The following RBFOX3 variants were observed in gnomAD, a reference collection of about 807,000 sequenced individuals.
RBFOX3 encodes RNA binding fox-1 homolog 3.
RBFOX3 carries 17 observed loss-of-function variants against 48.7 expected under a neutral mutation model. The observed-to-expected ratio is 0.35, with a 90% confidence interval of 0.24 to 0.52. The LOEUF is 0.52. RBFOX3 is among the 20% of genes least tolerant of loss of function. RBFOX3 has a pLI of 0.94. For missense variants in RBFOX3, 382 were observed against 497.5 expected, an observed-to-expected ratio of 0.77 and a Z score of 2.21; for synonymous variants, 212 against 209.5, an observed-to-expected ratio of 1.01 and a Z score of -0.10.
intron 4 of RBFOX3, among the ~76,000 whole-genome samples, chr17:79,175,533 G>T (rs1013011081): frequency 1.3e-5 from 2 of 152,240 alleles, no homozygotes; most frequent in East Asian, 1.9e-4. Context: ...CTGCCCACTG[G>T]AGTGTGATGA....
rs1815550093 is a variant in RBFOX3, at chr17:79,421,718, C to CCCTG, written c.-175+60732_-175+60735dup. Among the ~76,000 whole-genome samples the CCCTG allele has an allele frequency of 6.6e-6, 1 of 152,118 alleles. No individual in the cohort carries two copies. Among genetic ancestry groups the CCCTG allele is most frequent in the Admixed American group, 6.6e-5 (1 of 15,264 alleles). ...TAGGACCAAGCAAGATGACGCAGGC[C>CCCTG]CCTGGCAAGCCTGAGGCCGGGGCAG... On this transcript the variant is annotated intron_variant, in intron 2 of 14. Coordinates refer to ENST00000693108, the MANE Select transcript of RBFOX3 (RefSeq NM_001350451.2). This position sits in a 1 kb window ranked among gnomAD's most constrained non-coding sequence, Gnocchi z 4.5.
intron 2 of RBFOX3, among the ~76,000 whole-genome samples, chr17:79,404,474 C>T (rs1005578288): frequency 3.3e-5 from 5 of 152,254 alleles, no homozygotes; most frequent in Non-Finnish European, 5.9e-5. Context: ...CCAGGTCACG[C>T]AGCTGGCCCA....
At chr17:79,353,884 C>T (rs1202898863) in intron 2 of RBFOX3, among the ~76,000 whole-genome samples, 1 of 152,228 alleles carries the variant, frequency 6.6e-6, no homozygotes, top group African/African-American at 2.4e-5. Context: ...GTGGGGGCCG[C>T]TCCCTGAGGT....
intron 1 of RBFOX3, among the ~76,000 whole-genome samples, chr17:79,518,978 G>A (rs2085659197): frequency 1.3e-5 from 2 of 152,268 alleles, no homozygotes; most frequent in East Asian, 1.9e-4. Context: ...GCCAGAAGGA[G>A]AAAGCCAGCC....
chr17:79,430,513 A>G (rs1555727898), intron 2 of RBFOX3, among the ~76,000 whole-genome samples: 1 of 152,202 alleles, frequency 6.6e-6, no homozygotes, highest in Non-Finnish European at 1.5e-5. Flanking sequence ...TTTCTAAAGT[A>G]TAAATAGTAT....
At chr17:79,297,574 A>G (rs909377884) in intron 3 of RBFOX3, among the ~76,000 whole-genome samples, 3 of 152,362 alleles carry the variant, frequency 2.0e-5, no homozygotes, top group Admixed American at 2.0e-4. Flanking sequence ...TAGGACAGAC[A>G]CTGGAAATCT....
At chr17:79,263,512 G>C (rs531486382) in intron 3 of RBFOX3, among the ~76,000 whole-genome samples, 1 of 152,190 alleles carries the variant, frequency 6.6e-6, no homozygotes, top group Non-Finnish European at 1.5e-5. Flanking sequence ...CGTGCTGCTC[G>C]TGGCAGAAGT....
At chr17:79,341,944 T>C (rs1231079061) in intron 2 of RBFOX3, among the ~76,000 whole-genome samples, 1 of 152,188 alleles carries the variant, frequency 6.6e-6, no homozygotes, top group Non-Finnish European at 1.5e-5. Flanking sequence ...TGGAATTCAT[T>C]TGGAAAATTT....
upstream of RBFOX3, among the ~76,000 whole-genome samples, chr17:79,611,169 T>TCGCTCTCGCTCTCG (rs1359138866): frequency 1.9e-3 from 49 of 25,928 alleles, 9 homozygotes; most frequent in Admixed American, 6.4e-3. Flanking sequence ...TCTCTCTCTC[T>TCGCTCTCGCTCTCG]CTCTCCGCCC....
chr17:79,505,002 T>G (rs1252678974), intron 1 of RBFOX3, among the ~76,000 whole-genome samples: 1 of 152,116 alleles, frequency 6.6e-6, no homozygotes, highest in Admixed American at 6.5e-5. Flanking sequence ...CATTGCCTAG[T>G]GAGAGCTGGC....
At chr17:79,575,457 G>A in intron 1 of RBFOX3, among the ~76,000 whole-genome samples, 1 of 152,282 alleles carries the variant, frequency 6.6e-6, no homozygotes, top group Non-Finnish European at 1.5e-5. Context: ...CAGCAGGGCT[G>A]GGGGACGGAC....
intron 1 of RBFOX3, among the ~76,000 whole-genome samples, chr17:79,582,782 CAAAAAAAAA>C (rs36155299): frequency 8.5e-5 from 4 of 46,908 alleles, no homozygotes; most frequent in Non-Finnish European, 1.4e-4. Flanking sequence ...GACCCCGTCT[CAAAAAAAAA>C]AAAAAAAAAA....
At chr17:79,177,535 G>A (rs1280689284) in intron 4 of RBFOX3, among the ~76,000 whole-genome samples, 1 of 152,104 alleles carries the variant, frequency 6.6e-6, no homozygotes, top group Non-Finnish European at 1.5e-5. Context: ...CCCCCTCTGC[G>A]AGCCCAACCT....
At chr17:79,137,992 G>C (rs1040542868) in intron 4 of RBFOX3, among the ~76,000 whole-genome samples, 1 of 152,166 alleles carries the variant, frequency 6.6e-6, no homozygotes, top group African/African-American at 2.4e-5. Flanking sequence ...ATGTGTGCTT[G>C]CACAGGCGGA....
chr17:79,607,878 T>C (rs2093871270), intron 1 of RBFOX3, among the ~76,000 whole-genome samples: 1 of 152,218 alleles, frequency 6.6e-6, no homozygotes, highest in Admixed American at 6.5e-5. Flanking sequence ...ATTTCACCGA[T>C]GCGCCATCAG....
At chr17:79,118,985 A>AAT (rs1555696296) in intron 4 of RBFOX3, among the ~76,000 whole-genome samples, 34 of 147,914 alleles carry the variant, frequency 2.3e-4, no homozygotes, top group Admixed American at 6.7e-5. Context: ...CAAAAAAAAA[A>AAT]AAAAAAAATA....
chr17:79,539,480 G>A (rs1555789601), intron 1 of RBFOX3, among the ~76,000 whole-genome samples: 3 of 152,188 alleles, frequency 2.0e-5, no homozygotes, highest in Non-Finnish European at 4.4e-5. Context: ...TAAAATTTAA[G>A]ATACACATAA....
chr17:79,245,825 C>T (rs569567801), intron 3 of RBFOX3, among the ~76,000 whole-genome samples: 243 of 152,154 alleles, frequency 1.6e-3, no homozygotes, highest in Non-Finnish European at 2.3e-3. Flanking sequence ...CGGGGTTTCA[C>T]CATGTTGCCC....
At chr17:79,101,993 ACT>A (rs2076532091) in intron 8 of RBFOX3, among the ~76,000 whole-genome samples, 1 of 152,022 alleles carries the variant, frequency 6.6e-6, no homozygotes, top group Non-Finnish European at 1.5e-5. Context: ...AAGAGGCTGG[ACT>A]CCAGGATGCC....
Sources: allele counts gnomAD v4.1 joint callset (sites outside exome capture counted in the v4.1 genomes callset), GRCh38; gene constraint gnomAD v4.1.1; non-coding constraint Gnocchi (gnomAD v3.1); transcripts MANE v1.5; gene names NCBI Gene and HGNC (gene_info 2026-07-23, HGNC 2026-07-21).